The following WDFY4 variants were observed in gnomAD, a reference collection of about 807,000 sequenced individuals.
The protein encoded by WDFY4 is WD repeat- and FYVE domain-containing protein 4.
WDFY4 carries 169 observed loss-of-function variants against 351.9 expected under a neutral mutation model. The observed-to-expected ratio is 0.48, with a 90% CI of 0.42 to 0.55. The LOEUF (loss-of-function observed/expected upper bound fraction) is 0.55. WDFY4 is among the 20% of genes least tolerant of loss of function. The pLI is 0.00. For missense variants in WDFY4, 3,803 were observed against 3,935.6 expected, an observed-to-expected ratio of 0.97 and a Z score of 0.90; for synonymous variants, 1,622 against 1,574.6, an observed-to-expected ratio of 1.03 and a Z score of -0.71.
intron 31 of WDFY4, among the ~76,000 whole-genome samples, chr10:48,814,735 C>T (rs1323993603): frequency 6.6e-6 from 1 of 152,198 alleles, no homozygotes; most frequent in African/African-American, 2.4e-5. Context: ...TAAAATGATA[C>T]ATGATTACCT....
chr10:48,803,961 A>T (rs747185670), intron 25 of WDFY4, among the ~76,000 whole-genome samples: 19 of 152,200 alleles, frequency 1.2e-4, no homozygotes, highest in Non-Finnish European at 2.6e-4. Flanking sequence ...GCTCCTGGGC[A>T]GCTCCTCAGA....
intron 12 of WDFY4, among the ~76,000 whole-genome samples, chr10:48,757,327 C>T (rs756869073): frequency 3.3e-5 from 5 of 151,962 alleles, no homozygotes; most frequent in South Asian, 4.2e-4. Flanking sequence ...AGTGCAAACA[C>T]GTTTTGAATT....
chr10:48,864,274 A>G (rs2069456162), intron 39 of WDFY4, among the ~76,000 whole-genome samples: 1 of 152,222 alleles, frequency 6.6e-6, no homozygotes, highest in Admixed American at 6.5e-5. Flanking sequence ...TATGCAGTAA[A>G]GGTTTAACTT....
At chr10:48,927,913 T>C (rs75604782) in intron 47 of WDFY4, among the ~76,000 whole-genome samples, 4,036 of 152,318 alleles carry the variant, frequency 0.026, 102 homozygotes, top group African/African-American at 0.055. Context: ...TTAAGATGAT[T>C]AGTTTAACAG....
chr10:48,820,545 C>T (rs556865726), intron 33 of WDFY4, 108 bp downstream of exon 33: 13 of 1,203,372 alleles, frequency 1.1e-5, no homozygotes, highest in South Asian at 1.5e-5. Context: ...GGGGCCACAG[C>T]GAGTGAAGGG....
At position 48,900,161 on chromosome 10, in the gene WDFY4, C is replaced by A; in HGVS notation, c.7438-60C>A. 3 of 1,466,164 alleles carry A rather than the reference C, an allele frequency of 2.0e-6. No homozygotes were observed. The East Asian group carries it at 7.5e-5, about 36-fold the overall frequency. 90.8% of individuals were successfully genotyped at this position (1,466,164 alleles called of 1,614,324 possible). A position where few individuals can be genotyped will look rare whatever the true frequency, so the allele number is the denominator to read the frequency against. On this transcript the variant is annotated intron_variant, in intron 45 of 61. Transcript: ENST00000325239. The stretch of plus-strand genomic sequence containing the variant: ...TGACCCATTTCCAGCAGCTGTGTCA[C>A]CCTGGGGCGTCTCTAGTCCACAAAA...
intron 5 of WDFY4, among the ~76,000 whole-genome samples, chr10:48,724,566 G>C (rs35835711): frequency 0.11 from 17,321 of 152,082 alleles, 1,272 homozygotes; most frequent in East Asian, 0.34. Context: ...CTGAAGGGAA[G>C]TAGTGCAGGG....
At chr10:48,979,120 G>A (rs1378203978) in intron 60 of WDFY4, among the ~76,000 whole-genome samples, 2 of 152,188 alleles carry the variant, frequency 1.3e-5, no homozygotes, top group African/African-American at 4.8e-5. Context: ...AACACCTGGG[G>A]ACCCTTGTAA....
intron 56 of WDFY4, 105 bp from the exon 57 acceptor site, chr10:48,970,026 C>A: frequency 7.3e-7 from 1 of 1,363,816 alleles, no homozygotes; most frequent in Non-Finnish European, 9.8e-7. Flanking sequence ...GGCATGTCCC[C>A]AGTTCCCAAG....
chr10:48,846,110 G>A (rs2068767673), intron 39 of WDFY4, among the ~76,000 whole-genome samples: 2 of 152,206 alleles, frequency 1.3e-5, no homozygotes, highest in Non-Finnish European at 2.9e-5. Context: ...ACCATCATTA[G>A]TTTCCAAGCT....
chr10:48,814,799 A>C (rs569662846), intron 31 of WDFY4, among the ~76,000 whole-genome samples: 12 of 152,340 alleles, frequency 7.9e-5, no homozygotes, highest in Middle Eastern at 3.4e-3. Context: ...CACCTGACAC[A>C]CACCCACCCA....
At chr10:48,834,660 A>G (rs1482234648) in intron 39 of WDFY4, among the ~76,000 whole-genome samples, 2 of 152,130 alleles carry the variant, frequency 1.3e-5, no homozygotes, top group Non-Finnish European at 2.9e-5. Flanking sequence ...TTCATCATGG[A>G]GCTTCTCTTC....
intron 19 of WDFY4, among the ~76,000 whole-genome samples, chr10:48,784,014 A>C (rs915790058): frequency 6.6e-6 from 1 of 152,268 alleles, no homozygotes; most frequent in African/African-American, 2.4e-5. Context: ...TTTTGCCTGT[A>C]GCCACAGTTC....
At chr10:48,843,938 A>T (rs981742560) in intron 39 of WDFY4, among the ~76,000 whole-genome samples, 35 of 152,390 alleles carry the variant, frequency 2.3e-4, no homozygotes, top group African/African-American at 8.2e-4. Flanking sequence ...TTCAAAAGAC[A>T]GAAGTGTCCC....
In WDFY4 at chr10:48,854,129, T is replaced by G. The variant is rs1589754462; in HGVS notation, c.6664-13136T>G. 3.0e-5 allele frequency among the ~76,000 whole-genome samples: 4 copies of G among 133,312 alleles called. No individual in the cohort carries two copies. The South Asian group carries it at 9.5e-4, about 32-fold the overall frequency. 87.5% of individuals were successfully genotyped at this position (133,312 alleles called of 152,430 possible). On this transcript the variant is annotated intron_variant, in intron 39 of 61. Coordinates refer to ENST00000325239, the MANE Select transcript of WDFY4 (RefSeq NM_001394531.1). ...AGTCTAAGTCATTTTTTTTTTTTTTTGACAAGGTCTGGCTCTATTGCCCAG... is the reference window on the plus strand; with the variant it reads ...AGTCTAAGTCATTTTTTTTTTTTTTGGACAAGGTCTGGCTCTATTGCCCAG...
At chr10:48,795,765 C>T (rs939468843) in intron 23 of WDFY4, among the ~76,000 whole-genome samples, 3 of 151,878 alleles carry the variant, frequency 2.0e-5, no homozygotes, top group Non-Finnish European at 2.9e-5. Flanking sequence ...TGTGGGGCTG[C>T]AGTCAACAGA....
intron 35 of WDFY4, among the ~76,000 whole-genome samples, chr10:48,822,808 C>T (rs1250121620): frequency 6.6e-6 from 1 of 152,240 alleles, no homozygotes; most frequent in Non-Finnish European, 1.5e-5. Flanking sequence ...CTCCTAGAAC[C>T]TGCTTCCTTC....
chr10:48,970,377 C>A (rs906000898), intron 57 of WDFY4, 88 bp downstream of exon 57: 16 of 1,486,366 alleles, frequency 1.1e-5, no homozygotes, highest in Non-Finnish European at 1.4e-5. Context: ...GGCACCTGGG[C>A]AGGTGTGGTG....
chr10:48,786,701 T>C lies in WDFY4; in HGVS notation c.3639T>C (p.Asp1213=), dbSNP rs1363436330. ...CTATGGATCCATCCGCATTTGTGGA[T>C]GTTTATGGATATATTGCTACTCCTC... ...FLSMDPSAFV[D]VYGYIATPRV... The change falls in exon 20 of 62, where the codon GAT becomes GAC. Residue 1213 remains aspartate, a synonymous_variant. Transcript: ENST00000325239. 1 of 1,552,284 alleles carries C rather than the reference T, an allele frequency of 6.4e-7. No homozygotes were observed. The highest frequency in any genetic ancestry group is 1.2e-5 in the South Asian group (1 of 84,062).
Sources: gnomAD v4.1 joint callset for allele counts (sites outside exome capture counted in the v4.1 genomes callset) on GRCh38, gnomAD v4.1.1 for gene constraint, MANE v1.5 for transcripts, NCBI Gene and HGNC (gene_info 2026-07-23, HGNC 2026-07-21) for gene names.